The following SP100 variants were observed in gnomAD, a reference collection of about 807,000 sequenced individuals.
SP100 encodes nuclear autoantigen Sp-100.
In SP100, 84 loss-of-function variants were observed where a neutral mutation model predicts 130.0. The observed-to-expected ratio is 0.65, with a 90% confidence interval of 0.54 to 0.77. The LOEUF is 0.77. Among genes scored for constraint, SP100 ranks in the 30% least tolerant of loss-of-function variants. SP100 has a pLI of 0.00. For missense variants in SP100, 978 were observed against 1,052.2 expected, an observed-to-expected ratio of 0.93 and a Z score of 0.97; for synonymous variants, 331 against 351.7, an observed-to-expected ratio of 0.94 and a Z score of 0.66.
At chr2:230,430,867 G>T (rs2063077697) in intron 2 of SP100, among the ~76,000 whole-genome samples, 1 of 152,228 alleles carries the variant, frequency 6.6e-6, no homozygotes, top group African/African-American at 2.4e-5. Flanking sequence ...GGTTAACAGG[G>T]TTAGAGACCA....
At chr2:230,481,579 C>T (rs914169652) in intron 17 of SP100, among the ~76,000 whole-genome samples, 1 of 152,240 alleles carries the variant, frequency 6.6e-6, no homozygotes. Flanking sequence ...TAAATGGTCT[C>T]TCTGCTTTCA....
chr2:230,492,972 G>A lies in SP100; in HGVS notation c.1601-1444G>A, dbSNP rs549109127. On this transcript the variant is annotated intron_variant, in intron 17 of 28. Transcript: ENST00000340126. ...TTGAAAATAACTTTTTGCCTACACCGCCCATTCAATTCTTTATTTATCTTT... is the reference window on the plus strand; with the variant it reads ...TTGAAAATAACTTTTTGCCTACACCACCCATTCAATTCTTTATTTATCTTT... 1.2e-4 allele frequency among the ~76,000 whole-genome samples: 18 copies of A among 152,110 alleles called. No individual in the cohort carries two copies. The East Asian group carries it at 1.7e-3, about 15-fold the overall frequency.
At chr2:230,436,393 AGACCAG>A (rs2063268084) in intron 2 of SP100, among the ~76,000 whole-genome samples, 1 of 152,116 alleles carries the variant, frequency 6.6e-6, no homozygotes, top group African/African-American at 2.4e-5. Flanking sequence ...GTTAAGGGAG[AGACCAG>A]ATGGAGGTAA....
chr2:230,514,865 G>A (rs995630152), intron 24 of SP100, among the ~76,000 whole-genome samples: 1 of 152,106 alleles, frequency 6.6e-6, no homozygotes, highest in East Asian at 1.9e-4. Context: ...ATACCTCAAG[G>A]TTTCTGGGCC....
chr2:230,517,915 T>G (rs1293293935), intron 24 of SP100, among the ~76,000 whole-genome samples: 7 of 152,170 alleles, frequency 4.6e-5, no homozygotes, highest in African/African-American at 7.2e-5. Flanking sequence ...TTATTTTTAA[T>G]ATCAAATCTC....
At chr2:230,442,485 AC>A (rs1277791021) in intron 2 of SP100, among the ~76,000 whole-genome samples, 7 of 152,178 alleles carry the variant, frequency 4.6e-5, no homozygotes, top group African/African-American at 1.7e-4. Flanking sequence ...CTTAACAGCT[AC>A]AGATTAGAGA....
At chr2:230,495,571 C>T (rs145396172) in intron 18 of SP100, among the ~76,000 whole-genome samples, 4,866 of 152,254 alleles carry the variant, frequency 0.032, 97 homozygotes, top group Middle Eastern at 0.065. Context: ...CCACCTGCCT[C>T]GGCCTCCCAA....
chr2:230,484,396 C>T (rs1678211), intron 17 of SP100, among the ~76,000 whole-genome samples: 127,144 of 152,220 alleles, frequency 0.84, 53,450 homozygotes, highest in Middle Eastern at 0.93. Flanking sequence ...AGATTGTGTG[C>T]CAATTAGCTT....
chr2:230,420,489 A>G (rs2062736774), intron 2 of SP100, among the ~76,000 whole-genome samples: 2 of 152,194 alleles, frequency 1.3e-5, no homozygotes, highest in Non-Finnish European at 2.9e-5. Flanking sequence ...TTCAAGGGGA[A>G]TACTTATAAT....
rs771391347 is a variant in SP100 at position 230,474,445 on chromosome 2, GAAGT to G, written c.1600+2_1600+5del. 207 of 1,419,468 alleles carry G rather than the reference GAAGT, an allele frequency of 1.5e-4. No homozygotes were observed. Among genetic ancestry groups the G allele is most frequent in the Non-Finnish European group, 1.9e-4 (190 of 1,012,280 alleles). The allele number at this position is 1,419,468 out of a possible 1,614,324, so 87.9% of individuals were successfully genotyped here. A position where few individuals can be genotyped will look rare whatever the true frequency, so the allele number is the denominator to read the frequency against. On this transcript the variant is annotated splice_donor_variant and coding_sequence_variant, in exon 17 of 29. Coordinates refer to ENST00000340126, the MANE Select transcript of SP100 (RefSeq NM_001080391.2). LOFTEE classifies it high-confidence loss of function. ...ACTTTGGAAAAACACAGTGGGAAAA[GAAGT>G]AAGAACAAATAAGAATTTACTTAAT...
At chr2:230,537,779 G>T (rs1485552176) in intron 24 of SP100, 8 of 152,200 alleles carry the variant, frequency 5.3e-5, no homozygotes, top group Non-Finnish European at 8.8e-5. Context: ...AGCTCCTCTG[G>T]TGTTTTGTGT....
chr2:230,503,029 G>T, intron 19 of SP100, 37 bp from the exon 20 acceptor site: 1 of 1,504,164 alleles, frequency 6.6e-7, no homozygotes, highest in Non-Finnish European at 9.2e-7. Flanking sequence ...TATTTGCAAT[G>T]TAAAGAGACA....
chr2:230,421,842 T>G (rs11687964), intron 2 of SP100, among the ~76,000 whole-genome samples: 20,069 of 152,152 alleles, frequency 0.13, 1,716 homozygotes, highest in Non-Finnish European at 0.19. Context: ...TTAAATTCAT[T>G]TGTTGTGCTT....
intron 17 of SP100, among the ~76,000 whole-genome samples, chr2:230,485,285 AAC>A (rs2066020541): frequency 6.6e-6 from 1 of 152,040 alleles, no homozygotes; most frequent in East Asian, 1.9e-4. Flanking sequence ...GCACTATATT[AAC>A]AGTCTTCCAT....
chr2:230,442,673 G>A (rs762764019), intron 2 of SP100, among the ~76,000 whole-genome samples: 3 of 151,986 alleles, frequency 2.0e-5, no homozygotes, highest in South Asian at 2.1e-4. Context: ...TCCATATATG[G>A]TTAGGTGAAG....
At chr2:230,436,832 A>G (rs909090533) in intron 2 of SP100, among the ~76,000 whole-genome samples, 2 of 114,568 alleles carry the variant, frequency 1.7e-5, no homozygotes, top group Admixed American at 8.6e-5. Flanking sequence ...TGCATTAGCT[A>G]AAGCTTCTAA....
intron 11 of SP100, among the ~76,000 whole-genome samples, chr2:230,464,569 G>T (rs905014111): frequency 5.9e-5 from 9 of 152,106 alleles, no homozygotes; most frequent in Non-Finnish European, 1.3e-4. Context: ...AGCTCAGAAA[G>T]TCTTCAAAGA....
At chr2:230,515,487 C>T (rs1690861887) in intron 24 of SP100, 1 of 1,612,854 alleles carries the variant, frequency 6.2e-7, no homozygotes, top group Non-Finnish European at 8.5e-7. Flanking sequence ...AGGAAAAATA[C>T]AAAAAGGATA....
intron 24 of SP100, among the ~76,000 whole-genome samples, chr2:230,528,078 C>A (rs1691513967): frequency 6.6e-6 from 1 of 152,162 alleles, no homozygotes; most frequent in Non-Finnish European, 1.5e-5. Flanking sequence ...ACCAAGCAGA[C>A]CTAATAGACA....
Sources: allele counts gnomAD v4.1 joint callset (sites outside exome capture counted in the v4.1 genomes callset), GRCh38; gene constraint gnomAD v4.1.1; transcripts MANE v1.5; gene names NCBI Gene and HGNC (gene_info 2026-07-23, HGNC 2026-07-21).